Variants in BSCL2 observed in about 807,000 individuals in gnomAD.
BSCL2 encodes BSCL2 lipid droplet biogenesis associated, seipin.
Under a neutral mutation model 57.4 loss-of-function variants are expected in BSCL2, and 41 were observed. That is an observed-to-expected ratio of 0.71 (90% CI 0.56 to 0.93). The LOEUF (loss-of-function observed/expected upper bound fraction) is 0.93. Ranked by LOEUF, BSCL2 falls within the 40% of genes least tolerant of loss-of-function variation. The pLI is 0.00. For missense variants in BSCL2, 539 were observed against 586.7 expected (o/e 0.92, Z 0.84); for synonymous variants, 237 against 227.3 (o/e 1.04, Z -0.38).
chr11:62,694,827 T>C lies in BSCL2; in HGVS notation c.487-116A>G, dbSNP rs1357435245. 15 of 1,270,954 alleles carry C rather than the reference T, an allele frequency of 1.2e-5. No homozygotes were observed. The Admixed American group carries it at 2.6e-4, about 22-fold the overall frequency. The allele number at this position is 1,270,954 out of a possible 1,614,324, so 78.7% of individuals were successfully genotyped here. ...CCCCAAATACTCAGCCACAACCCTC[T>C]TGGGTAGCCTAACGGGCCTTTCAAT... On this transcript the variant is annotated intron_variant, in intron 3 of 10. Coordinates refer to ENST00000360796, the MANE Select transcript of BSCL2 (RefSeq NM_001122955.4).
upstream of BSCL2, chr11:62,709,111 G>A (rs1342910209): frequency 6.3e-6 from 3 of 479,660 alleles, no homozygotes; most frequent in African/African-American, 2.0e-5. Flanking sequence ...TCAGACAATG[G>A]AGAGGGATGG....
upstream of BSCL2, chr11:62,709,462 G>A (rs964084984): frequency 1.8e-4 from 81 of 453,900 alleles, no homozygotes; most frequent in Non-Finnish European, 3.5e-4. Context: ...CCGAAGAGGG[G>A]GGATTTAGGG....
upstream of BSCL2, chr11:62,708,927 G>T: frequency 1.3e-6 from 1 of 779,784 alleles, no homozygotes; most frequent in Admixed American, 2.1e-5. Context: ...GCCTGACCAT[G>T]TGAGGTTATC....
intron 3 of BSCL2, among the ~76,000 whole-genome samples, chr11:62,696,523 T>C (rs1191445409): frequency 6.6e-6 from 1 of 151,554 alleles, no homozygotes; most frequent in East Asian, 1.9e-4. Flanking sequence ...GCTCAGCCTA[T>C]GAATTCTTCC....
intron 1 of BSCL2, chr11:62,706,204 T>C (rs192881882): frequency 3.8e-6 from 4 of 1,063,414 alleles, no homozygotes; most frequent in Non-Finnish European, 4.6e-6. Context: ...AGCCCCTACC[T>C]AATCGTGCAA....
chr11:62,708,173 G>A, upstream of BSCL2: 1 of 728,696 alleles, frequency 1.4e-6, no homozygotes, highest in East Asian at 2.5e-5. Context: ...GGAGGAGGAG[G>A]AGGATAGGAG....
chr11:62,703,306 G>T (rs796447121), intron 2 of BSCL2, among the ~76,000 whole-genome samples: 1 of 150,484 alleles, frequency 6.6e-6, no homozygotes, highest in Non-Finnish European at 1.5e-5. Flanking sequence ...AAATTTGCAT[G>T]TGGGGGTGTG....
At chr11:62,707,082 G>A (rs1190144840) in intron 1 of BSCL2, 27 bp downstream of exon 1, 4 of 1,539,358 alleles carry the variant, frequency 2.6e-6, no homozygotes, top group Non-Finnish European at 3.5e-6. Flanking sequence ...GTATATTTCT[G>A]CTGACTGTCC....
At chr11:62,694,744 A>AT (rs775539636) in intron 3 of BSCL2, 33 bp from the exon 4 acceptor site, 6 of 1,608,686 alleles carry the variant, frequency 3.7e-6, no homozygotes, top group East Asian at 2.2e-5. Context: ...CTTTAAAAAA[A>AT]TTTTTTTGTT....
At chr11:62,705,075 C>CTTT (rs566098807) in intron 2 of BSCL2, among the ~76,000 whole-genome samples, 2 of 133,018 alleles carry the variant, frequency 1.5e-5, no homozygotes, top group Non-Finnish European at 1.6e-5. Flanking sequence ...GATATTTTTC[C>CTTT]TTTTTTTTTT....
rs1200074514 is a variant in BSCL2 at position 62,694,724 on chromosome 11, GCCC to G, written c.487-16_487-14del. 1.9e-6 allele frequency: 3 copies of G among 1,613,636 alleles called. No individual in the cohort carries two copies. The highest frequency in any genetic ancestry group is 2.5e-6 in the Non-Finnish European group (3 of 1,179,790). ...CATACATCAGCACCTGCCAAAGGTA[GCCC>G]CCATTTCTTTAAAAAAATTTTTTTG... On this transcript the variant is annotated splice_polypyrimidine_tract_variant and intron_variant, in intron 3 of 10. Coordinates refer to ENST00000360796, the MANE Select transcript of BSCL2 (RefSeq NM_001122955.4).
rs141657385 is a variant in BSCL2 at position 62,690,458 on chromosome 11, G to A, written c.1298C>T (p.Ala433Val). 5.6e-6 allele frequency: 9 copies of A among 1,614,186 alleles called. No homozygotes were observed. Among genetic ancestry groups the A allele is most frequent in the Non-Finnish European group, 7.6e-6 (9 of 1,180,024 alleles). ...CTCTAGGACAGGGGCAGAAGCAGAA[G>A]CAGGAGCAGGAGCAGGCAGGTTGGC... ...TEANLPAPAPASASAPVLETL... is the reference protein window; with the variant it reads ...TEANLPAPAPVSASAPVLETL... Residue 433 changes from alanine to valine, a missense_variant, in exon 11 of 11, where the codon GCT becomes GTT. Physicochemically the swap from Ala to Val is moderately conservative, Grantham distance 64. This residue lies in a region of BSCL2 where 248 missense variants were observed against 239.9 expected (regional missense o/e 1.03). Coordinates refer to ENST00000360796, the MANE Select transcript of BSCL2 (RefSeq NM_001122955.4).
chr11:62,698,073 A>C (rs1304910165), intron 3 of BSCL2, among the ~76,000 whole-genome samples: 1 of 151,212 alleles, frequency 6.6e-6, no homozygotes. Context: ...ACGCCCACCT[A>C]ATTTTTTGTA....
chr11:62,701,851 G>GAA (rs1945651887), intron 3 of BSCL2, among the ~76,000 whole-genome samples: 1 of 148,926 alleles, frequency 6.7e-6, no homozygotes, highest in Non-Finnish European at 1.5e-5. Flanking sequence ...AAAAAAGAAA[G>GAA]AGAGTGAAAA....
intron 4 of BSCL2, among the ~76,000 whole-genome samples, 164 bp from the exon 5 acceptor site, chr11:62,692,961 C>T (rs1336308030): frequency 1.3e-5 from 2 of 152,052 alleles, no homozygotes; most frequent in African/African-American, 4.8e-5. Context: ...CCAACCATTC[C>T]AATTGCTTGA....
intron 3 of BSCL2, among the ~76,000 whole-genome samples, chr11:62,698,787 C>G (rs1382124526): frequency 6.6e-6 from 1 of 152,214 alleles, no homozygotes; most frequent in Non-Finnish European, 1.5e-5. Flanking sequence ...TCGTTTGAGG[C>G]TCCCTCCCTT....
At chr11:62,696,618 G>C (rs1054858782) in intron 3 of BSCL2, among the ~76,000 whole-genome samples, 1 of 151,968 alleles carries the variant, frequency 6.6e-6, no homozygotes, top group African/African-American at 2.4e-5. Context: ...GTGCAGTGGT[G>C]TGATCACAGC....
Position 62,692,741 on chromosome 11 carries a change from A to G in BSCL2, c.687T>C (p.Ser229=). The change falls in exon 5 of 11, where the codon TCT becomes TCC. Residue 229 remains serine (S), a synonymous_variant. Transcript: ENST00000360796. ...LLQMLDTLVF[S]SLLLFGFAEQ... Reference sequence around the variant, plus strand: ...CTGCAAAGCCAAATAGCAGGAGGCTAGAGAAGACCAGTGTGTCCAGCATCT... The same window carrying G: ...CTGCAAAGCCAAATAGCAGGAGGCTGGAGAAGACCAGTGTGTCCAGCATCT... The G allele has an allele frequency of 6.2e-7, 1 of 1,614,100 alleles. No individual in the cohort carries two copies. Among genetic ancestry groups the G allele is most frequent in the Middle Eastern group, 1.7e-4 (1 of 6,054 alleles).
intron 1 of BSCL2, chr11:62,706,597 A>T: frequency 2.1e-6 from 1 of 469,460 alleles, no homozygotes; most frequent in Non-Finnish European, 4.4e-6. Context: ...CTGCAATCAC[A>T]GCCCTCCGTG....
Sources: gnomAD v4.1 joint callset for allele counts (sites outside exome capture counted in the v4.1 genomes callset) on GRCh38, gnomAD v4.1.1 for gene constraint, gnomAD v4.1.1 regional missense constraint, MANE v1.5 for transcripts, NCBI Gene and HGNC (gene_info 2026-07-23, HGNC 2026-07-21) for gene names.